Variants in TMEM108 observed in about 807,000 individuals in gnomAD.
TMEM108 encodes cancer/testis antigen 124.
TMEM108 carries 12 observed loss-of-function variants against 35.1 expected under a neutral mutation model. The ratio of observed to expected loss-of-function variants is 0.34; its 90% CI spans 0.22 to 0.55. The LOEUF is 0.55. Among genes scored for constraint, TMEM108 ranks in the 20% least tolerant of loss-of-function variants. TMEM108 has a pLI of 0.89. For missense variants in TMEM108, 680 were observed against 753.3 expected (o/e 0.90, Z 1.14); for synonymous variants, 287 against 308.6 (o/e 0.93, Z 0.73).
chr3:133,078,140 A>AGTGTGT (rs745912251), intron 2 of TMEM108, among the ~76,000 whole-genome samples: 1 of 106,224 alleles, frequency 9.4e-6, no homozygotes, highest in Admixed American at 9.3e-5. Flanking sequence ...TATGGAGCTC[A>AGTGTGT]GTGTGTGTGT....
intron 2 of TMEM108, among the ~76,000 whole-genome samples, chr3:133,097,024 G>A (rs541744574): frequency 2.6e-5 from 4 of 152,290 alleles, no homozygotes; most frequent in Admixed American, 1.3e-4. Context: ...TGCATGTCAC[G>A]GGAAGGACTA....
chr3:133,381,331 C>G (rs1030689903), intron 4 of TMEM108, among the ~76,000 whole-genome samples, 170 bp downstream of exon 4: 5 of 152,256 alleles, frequency 3.3e-5, no homozygotes, highest in African/African-American at 1.2e-4. Context: ...GTCCTCAGCT[C>G]TGCCTGGCCA....
intron 3 of TMEM108, among the ~76,000 whole-genome samples, chr3:133,284,921 T>C (rs1946963649): frequency 1.3e-5 from 2 of 152,198 alleles, no homozygotes; most frequent in African/African-American, 4.8e-5. Flanking sequence ...TCAAGTTTTT[T>C]GTTTTTTGTT....
At chr3:133,328,531 G>T (rs1468675216) in intron 3 of TMEM108, among the ~76,000 whole-genome samples, 1 of 152,166 alleles carries the variant, frequency 6.6e-6, no homozygotes, top group Non-Finnish European at 1.5e-5. Context: ...GCCCCAGCCT[G>T]GTTCAGCAGG....
chr3:133,314,415 T>A (rs911806307), intron 3 of TMEM108, among the ~76,000 whole-genome samples: 1 of 152,198 alleles, frequency 6.6e-6, no homozygotes, highest in Non-Finnish European at 1.5e-5. Flanking sequence ...TTTAGATTAT[T>A]AGCTGTGATT....
rs1418792873 is a variant in TMEM108, at chr3:133,313,106, CGTTT to C, written c.41-66643_41-66640del. ...GTTTTCATTTCTCTTTAATCTGGAA[CGTTT>C]GTCTAGCCTTTCTTTGCCATTTATA... On this transcript the variant is annotated intron_variant, in intron 3 of 5. Transcript: ENST00000321871. Among the ~76,000 whole-genome samples the C allele has an allele frequency of 3.3e-5, 5 of 152,168 alleles. No individual in the cohort carries two copies. The East Asian group carries it at 9.6e-4, about 29-fold the overall frequency.
Position 133,380,680 on chromosome 3 carries a change from T to C in TMEM108, c.969T>C (p.Gly323=). ...TGCCTTCTCAGCGCCCCCACCACGGTGACCCACAGGATGGCCCCAGCCATA... is the reference window on the plus strand; with the variant it reads ...TGCCTTCTCAGCGCCCCCACCACGGCGACCCACAGGATGGCCCCAGCCATA... The part of the protein sequence containing the change: ...APVPSQRPHH[G]DPQDGPSHSD... The change falls in exon 4 of 6, where the codon GGT becomes GGC. Residue 323 remains glycine (G), a synonymous_variant. Coordinates refer to ENST00000321871, the MANE Select transcript of TMEM108 (RefSeq NM_023943.4). This position sits in a 1 kb window ranked among gnomAD's most constrained non-coding sequence, Gnocchi z 5.3. 2.5e-6 allele frequency: 4 copies of C among 1,614,092 alleles called. No homozygotes were observed. The highest frequency in any genetic ancestry group is 3.4e-6 in the Non-Finnish European group (4 of 1,180,002).
intron 2 of TMEM108, among the ~76,000 whole-genome samples, chr3:133,112,874 A>C (rs1944242710): frequency 6.6e-6 from 1 of 152,224 alleles, no homozygotes; most frequent in Non-Finnish European, 1.5e-5. Context: ...AAATTGTGCA[A>C]CAAAACCCAC....
chr3:133,232,755 A>G (rs1382015820), intron 3 of TMEM108, among the ~76,000 whole-genome samples: 1 of 152,142 alleles, frequency 6.6e-6, no homozygotes, highest in African/African-American at 2.4e-5. Context: ...TTATTTCCTG[A>G]GCTCTACTCA....
intron 2 of TMEM108, among the ~76,000 whole-genome samples, chr3:133,084,781 G>A (rs1943860051): frequency 6.6e-6 from 1 of 152,132 alleles, no homozygotes; most frequent in African/African-American, 2.4e-5. Flanking sequence ...ATTCCTTCAA[G>A]GGCACACAGC....
chr3:133,342,244 A>G (rs1702810122), intron 3 of TMEM108, among the ~76,000 whole-genome samples: 1 of 151,640 alleles, frequency 6.6e-6, no homozygotes, highest in Admixed American at 6.6e-5. Flanking sequence ...GTATTTCTCA[A>G]AAGAAGACAT....
chr3:133,396,418 G>A lies in TMEM108; in HGVS notation c.*432G>A, dbSNP rs1476769213. ...TTCCTCCCTTCTCATACGCACACCT[G>A]TAAAGGGAACTGGACCGCCTCAGGG... On this transcript the variant is annotated 3_prime_UTR_variant, in exon 6 of 6. Coordinates refer to ENST00000321871, the MANE Select transcript of TMEM108 (RefSeq NM_023943.4). 5 of 153,016 alleles carry A rather than the reference G, an allele frequency of 3.3e-5. No homozygotes were observed. The highest frequency in any genetic ancestry group is 7.3e-5 in the Non-Finnish European group (5 of 68,774). The allele number at this position is 153,016 out of a possible 1,614,324, so 9.5% of individuals were successfully genotyped here. A position where few individuals can be genotyped will look rare whatever the true frequency, so the allele number is the denominator to read the frequency against.
chr3:133,120,078 A>C (rs1432337535), intron 2 of TMEM108, among the ~76,000 whole-genome samples: 1 of 152,198 alleles, frequency 6.6e-6, no homozygotes, highest in Non-Finnish European at 1.5e-5. Context: ...TTCTTCTTCT[A>C]AAAACTTTAG....
chr3:133,185,760 GTTTCT>G (rs1230590710), intron 2 of TMEM108, among the ~76,000 whole-genome samples: 2 of 131,934 alleles, frequency 1.5e-5, no homozygotes, highest in African/African-American at 2.9e-5. Context: ...GGGACCTTGC[GTTTCT>G]TTTCTTTTCT....
At chr3:133,062,350 G>A (rs977433590) in intron 2 of TMEM108, among the ~76,000 whole-genome samples, 1 of 152,124 alleles carries the variant, frequency 6.6e-6, no homozygotes, top group Non-Finnish European at 1.5e-5. Flanking sequence ...TAGGCTCAGA[G>A]AATAAAAACA....
At chr3:133,177,550 A>C (rs1255505910) in intron 2 of TMEM108, among the ~76,000 whole-genome samples, 1 of 152,218 alleles carries the variant, frequency 6.6e-6, no homozygotes, top group Non-Finnish European at 1.5e-5. Flanking sequence ...ATATAAACAG[A>C]ACCAACGACA....
In TMEM108 at chr3:133,347,224, G is replaced by A. The variant is rs143217861; in HGVS notation, c.41-32528G>A. ...TTGTTGAATCTGTAGATCAAGTTGG[G>A]AAGAACTGACATCTTCACAATATTG... On this transcript the variant is annotated intron_variant, in intron 3 of 5. Transcript: ENST00000321871. Among the ~76,000 whole-genome samples the A allele has an allele frequency of 1.9e-3, 290 of 152,148 alleles. 2 individuals carry two copies. Among genetic ancestry groups the A allele is most frequent in the African/African-American group, 6.6e-3 (276 of 41,544 alleles).
chr3:133,281,221 G>A (rs1337459272), intron 3 of TMEM108, among the ~76,000 whole-genome samples: 1 of 152,190 alleles, frequency 6.6e-6, no homozygotes, highest in Non-Finnish European at 1.5e-5. Flanking sequence ...GAGAGGATGG[G>A]AATCAGAGGG....
intron 2 of TMEM108, among the ~76,000 whole-genome samples, chr3:133,103,068 G>A (rs1944107945): frequency 6.6e-6 from 1 of 152,102 alleles, no homozygotes; most frequent in Non-Finnish European, 1.5e-5. Context: ...GTTCGACTCA[G>A]CAATTCCATT....
Sources: gnomAD v4.1 joint callset for allele counts (sites outside exome capture counted in the v4.1 genomes callset) on GRCh38, gnomAD v4.1.1 for gene constraint, Gnocchi (gnomAD v3.1) non-coding constraint, MANE v1.5 for transcripts, NCBI Gene and HGNC (gene_info 2026-07-23, HGNC 2026-07-21) for gene names.